ABTB2: variants seen among roughly 807,000 people sequenced by gnomAD.
The protein encoded by ABTB2 is ankyrin repeat and BTB/POZ domain-containing protein 2.
In ABTB2, 56 loss-of-function variants were observed where a neutral mutation model predicts 104.1. The ratio of observed to expected loss-of-function variants is 0.54; its 90% CI spans 0.43 to 0.67. The LOEUF is 0.67. ABTB2 is among the 30% of genes least tolerant of loss of function. The pLI is 0.00. For synonymous variants in ABTB2, 606 were observed against 608.2 expected, an observed-to-expected ratio of 1.00 and a Z score of 0.05; for missense variants, 1,279 against 1,407.7, an observed-to-expected ratio of 0.91 and a Z score of 1.46.
At chr11:34,258,219 C>T (rs1803153326) in intron 1 of ABTB2, among the ~76,000 whole-genome samples, 1 of 152,186 alleles carries the variant, frequency 6.6e-6, no homozygotes. Flanking sequence ...TCACTGATCC[C>T]AACAGTTCTC....
At chr11:34,182,782 C>A (rs1364193690) in intron 3 of ABTB2, among the ~76,000 whole-genome samples, 1 of 152,134 alleles carries the variant, frequency 6.6e-6, no homozygotes, top group East Asian at 1.9e-4. Flanking sequence ...GGAGCGTTTA[C>A]TAAGCAGCTG....
chr11:34,255,190 TCTAAACTC>T (rs1053909858), intron 1 of ABTB2, among the ~76,000 whole-genome samples: 1 of 152,184 alleles, frequency 6.6e-6, no homozygotes, highest in Non-Finnish European at 1.5e-5. Context: ...CACTTCACTC[TCTAAACTC>T]CTAAACTATT....
At chr11:34,256,142 G>A (rs368228545) in intron 1 of ABTB2, among the ~76,000 whole-genome samples, 33 of 132,396 alleles carry the variant, frequency 2.5e-4, no homozygotes, top group African/African-American at 7.3e-4. Context: ...CCACACTGCC[G>A]TCGGTTTTAT....
At chr11:34,180,799 ATTGT>A (rs762667756) in intron 3 of ABTB2, among the ~76,000 whole-genome samples, 81 of 152,332 alleles carry the variant, frequency 5.3e-4, no homozygotes, top group Non-Finnish European at 7.1e-4. Context: ...GGTGAGCCTG[ATTGT>A]TCAATCCAAG....
At chr11:34,355,335 C>T (rs2745915) in intron 1 of ABTB2, among the ~76,000 whole-genome samples, 26,023 of 152,124 alleles carry the variant, frequency 0.17, 2,626 homozygotes, top group South Asian at 0.3. Flanking sequence ...GCATCTAGAA[C>T]CTTAAAGGGG....
chr11:34,307,801 C>A (rs570141936), intron 1 of ABTB2, among the ~76,000 whole-genome samples: 1 of 151,808 alleles, frequency 6.6e-6, no homozygotes, highest in Non-Finnish European at 1.5e-5. Flanking sequence ...CGGGTTTAAG[C>A]GATTCTCCTG....
intron 1 of ABTB2, among the ~76,000 whole-genome samples, chr11:34,213,036 C>T (rs957469007): frequency 6.6e-6 from 1 of 152,184 alleles, no homozygotes; most frequent in Non-Finnish European, 1.5e-5. Context: ...GATTCACTTC[C>T]TCTTGGAATC....
At chr11:34,314,412 C>T (rs1854899512) in intron 1 of ABTB2, among the ~76,000 whole-genome samples, 2 of 152,182 alleles carry the variant, frequency 1.3e-5, no homozygotes, top group African/African-American at 2.4e-5. Context: ...GCTGAGCCAG[C>T]GCTTGGCACA....
intron 10 of ABTB2, 39 bp downstream of exon 10, chr11:34,162,537 C>T: frequency 6.3e-7 from 1 of 1,577,638 alleles, no homozygotes; most frequent in Non-Finnish European, 8.7e-7. Flanking sequence ...TGTCCATATG[C>T]ATGCATGGAC....
chr11:34,208,723 C>T (rs535083764), intron 1 of ABTB2, among the ~76,000 whole-genome samples: 82 of 152,154 alleles, frequency 5.4e-4, no homozygotes, highest in Non-Finnish European at 1.0e-3. Flanking sequence ...AGTACAGCAC[C>T]GTGGCCACCC....
chr11:34,323,308 T>C (rs948459733), intron 1 of ABTB2, among the ~76,000 whole-genome samples: 3 of 152,072 alleles, frequency 2.0e-5, no homozygotes, highest in Non-Finnish European at 4.4e-5. Flanking sequence ...AAAAGGGAGG[T>C]GCAGATAGCA....
chr11:34,266,872 G>A (rs968722878), intron 1 of ABTB2, among the ~76,000 whole-genome samples: 1 of 152,116 alleles, frequency 6.6e-6, no homozygotes, highest in Non-Finnish European at 1.5e-5. Flanking sequence ...GCCAGTGGGT[G>A]GGAGGGGAGG....
At chr11:34,161,194 C>T in intron 10 of ABTB2, 113 bp from the exon 11 acceptor site, 4 of 1,160,670 alleles carry the variant, frequency 3.4e-6, no homozygotes, top group Non-Finnish European at 4.7e-6. Flanking sequence ...GTCTGCAGAG[C>T]ACCCCGCCCG....
intron 1 of ABTB2, among the ~76,000 whole-genome samples, chr11:34,217,286 G>A (rs1442681389): frequency 6.6e-6 from 1 of 152,164 alleles, no homozygotes; most frequent in Non-Finnish European, 1.5e-5. Context: ...TTTGCCTGTC[G>A]TGCATCATCA....
intron 1 of ABTB2, among the ~76,000 whole-genome samples, chr11:34,234,609 G>A (rs1010140314): frequency 6.6e-6 from 1 of 152,156 alleles, no homozygotes; most frequent in Non-Finnish European, 1.5e-5. Flanking sequence ...CTCTGGCTCC[G>A]CCTCTCACAA....
Position 34,167,308 on chromosome 11 carries a change from C to T in ABTB2, c.1706G>A (p.Trp569Ter), listed in dbSNP as rs772520570. ...HPSIHPDSRH[W>*]TSLTFAVLHG... ...CAGCACAGCGAATGTCAGTGAGGTC[C>T]AGTGCCGGCTGTCGGGGTGGATGGA... Residue 569 changes from tryptophan to a stop codon, truncating the protein, a stop_gained, in exon 7 of 17, where the codon TGG becomes TAG. Coordinates refer to ENST00000435224, the MANE Select transcript of ABTB2 (RefSeq NM_145804.3). LOFTEE classifies it high-confidence loss of function. 6.2e-7 allele frequency: 1 copy of T among 1,613,502 alleles called. No individual in the cohort carries two copies. Among genetic ancestry groups the T allele is most frequent in the East Asian group, 2.2e-5 (1 of 44,874 alleles).
chr11:34,159,258 A>G, intron 14 of ABTB2, 38 bp downstream of exon 14: 2 of 1,516,998 alleles, frequency 1.3e-6, no homozygotes, highest in Non-Finnish European at 1.8e-6. Flanking sequence ...GGGGAGGGTC[A>G]TCCCTCTGAG....
intron 1 of ABTB2, among the ~76,000 whole-genome samples, chr11:34,289,483 T>C (rs1322922388): frequency 3.9e-5 from 6 of 152,072 alleles, no homozygotes; most frequent in Admixed American, 3.3e-4. Context: ...TTCTCAAAGG[T>C]AGAAAATGAG....
chr11:34,335,794 C>T, intron 1 of ABTB2: 7 of 1,364,862 alleles, frequency 5.1e-6, no homozygotes, highest in Non-Finnish European at 7.3e-6. Flanking sequence ...AAGCTTGAAC[C>T]TCTGATCTTG....
Sources: gnomAD v4.1 joint callset for allele counts (sites outside exome capture counted in the v4.1 genomes callset) on GRCh38, gnomAD v4.1.1 for gene constraint, MANE v1.5 for transcripts, NCBI Gene and HGNC (gene_info 2026-07-23, HGNC 2026-07-21) for gene names.